Variants in KDM5A observed in about 807,000 individuals in gnomAD.
The protein encoded by KDM5A is lysine demethylase 5A, also known as lysine-specific demethylase 5A.
A neutral mutation model predicts 193.5 loss-of-function variants in KDM5A; 42 were observed. That is an observed-to-expected ratio of 0.22 (90% confidence interval 0.17 to 0.28). KDM5A has a LOEUF of 0.28. KDM5A is among the 10% of genes least tolerant of loss of function. The pLI, the probability that KDM5A is intolerant of heterozygous loss-of-function variation, is 1.00. For synonymous variants in KDM5A, 796 were observed against 718.1 expected (o/e 1.11, Z -1.73); for missense variants, 1,692 against 2,055.1 (o/e 0.82, Z 3.42).
chr12:380,169 G>A (rs1944557081), intron 3 of KDM5A, among the ~76,000 whole-genome samples: 1 of 151,892 alleles, frequency 6.6e-6, no homozygotes, highest in African/African-American at 2.4e-5. Flanking sequence ...TTCTGAGGCT[G>A]AGTGAGGGGA....
Position 283,981 on chromosome 12 carries a change from T to A in KDM5A, c.*1475A>T, listed in dbSNP as rs1943186103. On this transcript the variant is annotated 3_prime_UTR_variant, in exon 28 of 28. Transcript: ENST00000399788. ...AAAAAAGAGCCAGCACAGACTAGAG[T>A]GAGACCAAGTTTCCCAACAGACAGG... The A allele has an allele frequency of 4.3e-6, 1 of 233,088 alleles. No homozygotes were observed. The highest frequency in any genetic ancestry group is 8.5e-6 in the Non-Finnish European group (1 of 117,870). 14.4% of individuals were successfully genotyped at this position (233,088 alleles called of 1,614,324 possible).
Position 295,750 on chromosome 12 carries a change from C to T in KDM5A, c.4278G>A (p.Val1426=), listed in dbSNP as rs1259939015. The change falls in exon 26 of 28, where the codon GTG becomes GTA. Residue 1426 remains valine, a synonymous_variant. Coordinates refer to ENST00000399788, the MANE Select transcript of KDM5A (RefSeq NM_001042603.3). ...GCACTGGAGGTTCCAAACTTCGGGG[C>T]ACCAAAGGGCTCTTCCGAGGTTGTT... The part of the protein sequence containing the change: ...PRKQPRKSPL[V]PRSLEPPVLE... 1.9e-6 allele frequency: 3 copies of T among 1,614,082 alleles called. No homozygotes were observed. The highest frequency in any genetic ancestry group is 1.3e-5 in the African/African-American group (1 of 75,018).
At chr12:388,481 T>A in intron 1 of KDM5A, 1 of 372,118 alleles carries the variant, frequency 2.7e-6, no homozygotes, top group Non-Finnish European at 5.3e-6. Context: ...TACCATCCGG[T>A]GAGACTAGAG....
chr12:334,997 C>A (rs1440975572), intron 10 of KDM5A, among the ~76,000 whole-genome samples: 1 of 152,068 alleles, frequency 6.6e-6, no homozygotes, highest in Non-Finnish European at 1.5e-5. Context: ...TATACAAACA[C>A]ACCTAGAAAT....
intron 17 of KDM5A, among the ~76,000 whole-genome samples, chr12:321,933 G>C (rs1175423646): frequency 6.6e-6 from 1 of 152,124 alleles, no homozygotes; most frequent in Non-Finnish European, 1.5e-5. Flanking sequence ...TCTAGTAGGG[G>C]ATGGGGGAGA....
chr12:288,310 A>G (rs1304546768), intron 27 of KDM5A, among the ~76,000 whole-genome samples: 1 of 152,122 alleles, frequency 6.6e-6, no homozygotes, highest in African/African-American at 2.4e-5. Context: ...CCCCCCTTTC[A>G]TTATTTCTAG....
At position 389,182 on chromosome 12, in the gene KDM5A, A is replaced by G. The variant is rs773568291; in HGVS notation, c.-91T>C. On this transcript the variant is annotated 5_prime_UTR_variant, in exon 1 of 28. Transcript: ENST00000399788. Reference sequence around the variant, plus strand: ...ACTAAGCCCGTTCAAGTCCCCTGACAGAGGCCGAAGCGCATCTTCGCGGAC... The same window carrying G: ...ACTAAGCCCGTTCAAGTCCCCTGACGGAGGCCGAAGCGCATCTTCGCGGAC... 5 of 1,211,358 alleles carry G rather than the reference A, an allele frequency of 4.1e-6. No individual in the cohort carries two copies. The highest frequency in any genetic ancestry group is 6.1e-6 in the Non-Finnish European group (5 of 815,312). The allele number at this position is 1,211,358 out of a possible 1,614,324, so 75.0% of individuals were successfully genotyped here.
intron 17 of KDM5A, 68 bp from the exon 18 acceptor site, chr12:321,177 A>G: frequency 1.8e-6 from 2 of 1,091,048 alleles, no homozygotes; most frequent in Non-Finnish European, 1.4e-6. Flanking sequence ...AAGGGCTCCT[A>G]GTCTCTTCAG....
chr12:326,290 T>C (rs1347828206), intron 14 of KDM5A, among the ~76,000 whole-genome samples: 1 of 152,130 alleles, frequency 6.6e-6, no homozygotes, highest in African/African-American at 2.4e-5. Context: ...AGGAGGAAAC[T>C]ATAAGAAGTG....
intron 27 of KDM5A, 105 bp from the exon 28 acceptor site, chr12:285,767 G>A (rs547172386): frequency 1.0e-6 from 1 of 965,564 alleles, no homozygotes; most frequent in South Asian, 1.3e-5. Context: ...AAACAACTGG[G>A]ATGTCTAGAT....
Position 319,931 on chromosome 12 carries a change from G to A in KDM5A, c.2541+1064C>T, listed in dbSNP as rs115456311. On this transcript the variant is annotated intron_variant, in intron 18 of 27. Transcript: ENST00000399788. ...ATATTTAATGTCACTGGGCAAATAA[G>A]GTATCAGAAGTGGGGGCACCTGAAG... 8.1e-3 allele frequency among the ~76,000 whole-genome samples: 1,236 copies of A among 152,130 alleles called. 18 individuals are homozygous for A. The highest frequency in any genetic ancestry group is 0.028 in the African/African-American group (1,182 of 41,486).
chr12:330,780 A>T (rs1216426965), intron 13 of KDM5A, among the ~76,000 whole-genome samples: 1 of 152,210 alleles, frequency 6.6e-6, no homozygotes, highest in Non-Finnish European at 1.5e-5. Context: ...TTAGCAAAGG[A>T]AACAAAAACA....
chr12:371,460 G>C (rs932725202), intron 3 of KDM5A, among the ~76,000 whole-genome samples: 1 of 112,604 alleles, frequency 8.9e-6, no homozygotes, highest in Non-Finnish European at 1.9e-5. Context: ...TGATGGGGTT[G>C]TTTTTTTCTC....
chr12:328,524 A>C (rs1016770369), intron 14 of KDM5A, among the ~76,000 whole-genome samples: 2 of 152,196 alleles, frequency 1.3e-5, no homozygotes, highest in African/African-American at 4.8e-5. Flanking sequence ...ATTCAACAGA[A>C]AGCTCAGAAA....
intron 3 of KDM5A, among the ~76,000 whole-genome samples, chr12:381,394 G>A (rs1449209713): frequency 1.8e-4 from 27 of 152,146 alleles, no homozygotes; most frequent in Non-Finnish European, 1.5e-5. Context: ...TTACAGGCAT[G>A]AGCCACAGTG....
chr12:327,420 C>CAAGT (rs1465181905), intron 14 of KDM5A, among the ~76,000 whole-genome samples: 1 of 152,118 alleles, frequency 6.6e-6, no homozygotes, highest in African/African-American at 2.4e-5. Context: ...TTTAAGAATA[C>CAAGT]AAGTATAGGC....
At chr12:290,848 A>G (rs184367829) in intron 27 of KDM5A, among the ~76,000 whole-genome samples, 35 of 152,332 alleles carry the variant, frequency 2.3e-4, no homozygotes, top group Non-Finnish European at 4.7e-4. Flanking sequence ...GAGTATAAAA[A>G]TAAGACGAAA....
chr12:315,594 G>A (rs189494620), intron 19 of KDM5A, among the ~76,000 whole-genome samples: 1 of 151,552 alleles, frequency 6.6e-6, no homozygotes, highest in African/African-American at 2.4e-5. Flanking sequence ...GGCAGGGTGG[G>A]GTGAAAAAGA....
At chr12:333,178 GGAGGCCGA>G in intron 12 of KDM5A, 3 of 396,664 alleles carry the variant, frequency 7.6e-6, no homozygotes, top group South Asian at 7.1e-5. Context: ...CAACACTTTG[GGAGGCCGA>G]GTTGGGAAGA....
Sources: gnomAD v4.1 joint callset for allele counts (sites outside exome capture counted in the v4.1 genomes callset) on GRCh38, gnomAD v4.1.1 for gene constraint, MANE v1.5 for transcripts, NCBI Gene and HGNC (gene_info 2026-07-23, HGNC 2026-07-21) for gene names.